The following SFXN2 variants were observed in gnomAD, a reference collection of about 807,000 sequenced individuals.
SFXN2 encodes the protein sideroflexin-2.
In SFXN2, 37 loss-of-function variants were observed where a neutral mutation model predicts 41.9. That is an observed-to-expected ratio of 0.88 (90% CI 0.68 to 1.16). The LOEUF is 1.16. Among genes scored for constraint, SFXN2 ranks in the 50% most tolerant of loss-of-function variants. The pLI, the probability that SFXN2 is intolerant of heterozygous loss-of-function variation, is 0.00. For synonymous variants in SFXN2, 150 were observed against 156.7 expected (o/e 0.96, Z 0.32); for missense variants, 386 against 425.2 (o/e 0.91, Z 0.81).
intron 6 of SFXN2, among the ~76,000 whole-genome samples, chr10:102,731,479 C>T (rs1329922685): frequency 6.6e-6 from 1 of 152,134 alleles, no homozygotes; most frequent in Non-Finnish European, 1.5e-5. Context: ...AGGTCACACA[C>T]ATCCCCTGCA....
chr10:102,717,731 T>C, intron 1 of SFXN2: 3 of 984,964 alleles, frequency 3.0e-6, no homozygotes, highest in Non-Finnish European at 3.6e-6. Flanking sequence ...TTAAAAGAGG[T>C]GACATCCTTG....
At chr10:102,736,253 CTT>C (rs11298009) in intron 11 of SFXN2, among the ~76,000 whole-genome samples, 27 of 149,036 alleles carry the variant, frequency 1.8e-4, no homozygotes, top group African/African-American at 3.7e-4. Context: ...TGGTTTTTAA[CTT>C]TTTTTTTTTT....
At chr10:102,729,548 C>A (rs1227727055) in intron 5 of SFXN2, 154 bp downstream of exon 5, 7 of 1,109,044 alleles carry the variant, frequency 6.3e-6, no homozygotes, top group East Asian at 5.0e-5. Context: ...CCAGGGCCGT[C>A]CCCAGGTTGG....
At chr10:102,718,918 C>CTTTT (rs34471332) in intron 1 of SFXN2, among the ~76,000 whole-genome samples, 755 of 74,204 alleles carry the variant, frequency 0.01, 1 homozygote, top group African/African-American at 0.012. Context: ...TTCTCGGCTT[C>CTTTT]TTTTTTTTTT....
At chr10:102,733,663 T>A (rs1271523082) in intron 10 of SFXN2, 60 bp downstream of exon 10, 1 of 1,413,630 alleles carries the variant, frequency 7.1e-7, no homozygotes, top group Non-Finnish European at 1.0e-6. Flanking sequence ...AGATGTGTCG[T>A]CTTGTCTAGC....
In SFXN2 at chr10:102,728,380, C is replaced by T. The variant is rs758476987; in HGVS notation, c.333-51C>T. 1.0e-5 allele frequency: 15 copies of T among 1,453,668 alleles called. No homozygotes were observed. The South Asian group carries it at 1.7e-4, about 17-fold the overall frequency. The allele number at this position is 1,453,668 out of a possible 1,614,324, so 90.0% of individuals were successfully genotyped here. A position where few individuals can be genotyped will look rare whatever the true frequency, so the allele number is the denominator to read the frequency against. ...TGCTTTGACTGGCATACCCTCAGGA[C>T]TCCCTGCCATCTGACTTCTCTCTGC... On this transcript the variant is annotated intron_variant, in intron 3 of 11. Coordinates refer to ENST00000369893, the MANE Select transcript of SFXN2 (RefSeq NM_178858.6).
At chr10:102,735,830 C>T in intron 10 of SFXN2, 32 bp from the exon 11 acceptor site, 1 of 1,612,758 alleles carries the variant, frequency 6.2e-7, no homozygotes, top group Middle Eastern at 1.7e-4. Flanking sequence ...GGGGAGATGT[C>T]CCCTGATGCT....
chr10:102,723,856 G>A (rs775160619), intron 1 of SFXN2, among the ~76,000 whole-genome samples: 1 of 152,040 alleles, frequency 6.6e-6, no homozygotes, highest in Non-Finnish European at 1.5e-5. Context: ...TTAGATTCAG[G>A]GGTACACGTG....
At position 102,741,914 on chromosome 10, in the gene SFXN2, A is replaced by G. The variant is rs1453271888; in HGVS notation, c.*4152A>G. 1 of 152,254 alleles carries G rather than the reference A, an allele frequency of 6.6e-6. No homozygotes were observed. Among genetic ancestry groups the G allele is most frequent in the Non-Finnish European group, 1.5e-5 (1 of 68,056 alleles). The allele number at this position is 152,254 out of a possible 1,614,324, so 9.4% of individuals were successfully genotyped here. On this transcript the variant is annotated 3_prime_UTR_variant, in exon 12 of 12. Transcript: ENST00000369893. ...AAAAATACGTGTCACTTTTTATAGTACTTGGAAAAGCAGGATCAAGATAAA... is the reference window on the plus strand; with the variant it reads ...AAAAATACGTGTCACTTTTTATAGTGCTTGGAAAAGCAGGATCAAGATAAA...
At chr10:102,728,910 C>CA (rs1203883666) in intron 4 of SFXN2, among the ~76,000 whole-genome samples, 6 of 151,560 alleles carry the variant, frequency 4.0e-5, no homozygotes, top group East Asian at 1.9e-4. Context: ...TCAAAACAAA[C>CA]AAAAAAAACC....
intron 1 of SFXN2, among the ~76,000 whole-genome samples, chr10:102,721,360 A>G (rs1455815512): frequency 6.6e-6 from 1 of 151,864 alleles, no homozygotes; most frequent in East Asian, 1.9e-4. Context: ...ACCCTGGGCA[A>G]CCAGCTGAGA....
At position 102,726,719 on chromosome 10, in the gene SFXN2, T is replaced by A. The variant is rs1328045605; in HGVS notation, c.83T>A (p.Leu28Gln). The stretch of plus-strand genomic sequence containing the variant: ...TTCCTGGGGAGAGTGAAGCACTTCC[T>A]AAACATCACGGACCCCCGCACTGTC... ...RTFLGRVKHF[L>Q]NITDPRTVFV... Residue 28 changes from leucine (L) to glutamine (Q), a missense_variant, in exon 2 of 12, where the codon CTA becomes CAA. Leu to Gln is a moderately radical substitution (Grantham distance 113, BLOSUM62 -2). Transcript: ENST00000369893. The A allele has an allele frequency of 6.2e-7, 1 of 1,614,146 alleles. No individual in the cohort carries two copies. The highest frequency in any genetic ancestry group is 8.5e-7 in the Non-Finnish European group (1 of 1,180,040).
chr10:102,721,064 C>T (rs2064501972), intron 1 of SFXN2, among the ~76,000 whole-genome samples: 2 of 152,176 alleles, frequency 1.3e-5, no homozygotes, highest in African/African-American at 4.8e-5. Flanking sequence ...TGAGCCATTA[C>T]CCGCGTTGCT....
At chr10:102,735,761 C>T (rs887267098) in intron 10 of SFXN2, 101 bp from the exon 11 acceptor site, 8 of 1,216,042 alleles carry the variant, frequency 6.6e-6, no homozygotes, top group Non-Finnish European at 9.8e-6. Flanking sequence ...GCTGGGAAGG[C>T]AGGCCAGGTG....
intron 11 of SFXN2, 150 bp from the exon 12 acceptor site, chr10:102,737,513 C>T (rs572358345): frequency 6.9e-5 from 39 of 561,522 alleles, no homozygotes; most frequent in African/African-American, 4.7e-4. Flanking sequence ...GTCAGGCCTG[C>T]GTAATGGTAA....
Position 102,735,886 on chromosome 10 carries a change from G to A in SFXN2, c.846G>A (p.Ala282=), listed in dbSNP as rs200237397. 23 of 1,614,002 alleles carry A rather than the reference G, an allele frequency of 1.4e-5. No homozygotes were observed. The Middle Eastern group carries it at 4.9e-4, about 35-fold the overall frequency. ...GCFLIFMVPV[A]CGLFPQKCEL... ...GCCTCATCTTCATGGTGCCAGTGGC[G>A]TGTGGGCTTTTCCCACAGAAATGGT... The change falls in exon 11 of 12, where the codon GCG becomes GCA. Residue 282 remains alanine, a synonymous_variant. Transcript: ENST00000369893.
chr10:102,729,367 G>T lies in SFXN2; in HGVS notation c.480G>T (p.Thr160=). 1 of 1,614,152 alleles carries T rather than the reference G, an allele frequency of 6.2e-7. No homozygotes were observed. Among genetic ancestry groups the T allele is most frequent in the East Asian group, 2.2e-5 (1 of 44,878 alleles). The change falls in exon 5 of 12, where the codon ACG becomes ACT. Residue 160 remains threonine (T), a synonymous_variant. Transcript: ENST00000369893. ...YFTATTTAVA[T]AVGMNMLTKK... is the part of the protein sequence containing the mutation. ...CAGCCACAACCACTGCTGTGGCCAC[G>T]GCTGTGGGCATGAACATGTTGACAA... is the stretch of plus-strand genomic sequence containing the variant.
At chr10:102,721,817 T>G (rs1307607976) in intron 1 of SFXN2, among the ~76,000 whole-genome samples, 5 of 152,104 alleles carry the variant, frequency 3.3e-5, no homozygotes, top group Non-Finnish European at 5.9e-5. Context: ...CATGTTATGT[T>G]TTGGTATCTA....
chr10:102,735,289 A>G (rs1232710038), intron 10 of SFXN2, among the ~76,000 whole-genome samples: 1 of 133,454 alleles, frequency 7.5e-6, no homozygotes, highest in African/African-American at 2.9e-5. Flanking sequence ...CCTTCCCTCC[A>G]AGTCACTCCT....
Sources: gnomAD v4.1 joint callset for allele counts (sites outside exome capture counted in the v4.1 genomes callset) on GRCh38, gnomAD v4.1.1 for gene constraint, MANE v1.5 for transcripts, NCBI Gene and HGNC (gene_info 2026-07-23, HGNC 2026-07-21) for gene names.